Variants in OR4K14 observed in about 807,000 individuals in gnomAD.
OR4K14 encodes the protein olfactory receptor 4K14.
For missense variants in OR4K14, 406 were observed against 373.6 expected (o/e 1.09, Z -0.72); for synonymous variants, 153 against 141.5 (o/e 1.08, Z -0.58).
intron 1 of OR4K14, among the ~76,000 whole-genome samples, chr14:20,018,743 A>T (rs1313769430): frequency 6.6e-6 from 1 of 151,990 alleles, no homozygotes; most frequent in African/African-American, 2.4e-5. Flanking sequence ...CTCTGTAAAT[A>T]CACTAAAAAC....
In OR4K14 at chr14:20,014,314, C is replaced by T. The variant is rs267603917; in HGVS notation, c.880G>A (p.Glu294Lys). The T allele has an allele frequency of 1.2e-6, 2 of 1,612,242 alleles. No individual in the cohort carries two copies. Among genetic ancestry groups the T allele is most frequent in the Non-Finnish European group, 1.7e-6 (2 of 1,179,320 alleles). The change falls in exon 2 of 2, where the codon GAG becomes AAG. Residue 294 changes from glutamate (E) to lysine (K), a missense_variant. Transcript: ENST00000641793. The part of the protein sequence containing the change: ...NPIIYTLRNE[E>K]MKAAMKKLQN... ...AGTTTCTTCATAGCTGCTTTCATCT[C>T]CTCATTTCTCAATGTGTAGATAATG...
At position 20,014,834 on chromosome 14, in the gene OR4K14, G is replaced by C. The variant is rs1566525684; in HGVS notation, c.360C>G (p.Ala120=). The change falls in exon 2 of 2, where the codon GCC becomes GCG. Residue 120 remains alanine (A), a synonymous_variant. Transcript: ENST00000641793. ...TGCATATGGCCACATATCTGTCATA[G>C]GCCATGGAAACCAGGAGCACCATCT... is the stretch of plus-strand genomic sequence containing the variant. ...GAEMVLLVSM[A]YDRYVAICKP... The C allele has an allele frequency of 6.2e-7, 1 of 1,614,078 alleles. No individual in the cohort carries two copies. Among genetic ancestry groups the C allele is most frequent in the Non-Finnish European group, 8.5e-7 (1 of 1,179,986 alleles).
intron 1 of OR4K14, among the ~76,000 whole-genome samples, chr14:20,017,291 AC>A (rs1247526333): frequency 2.0e-5 from 3 of 151,922 alleles, no homozygotes; most frequent in Non-Finnish European, 4.4e-5. Context: ...TCATTTACTC[AC>A]TTACACACTC....
intron 1 of OR4K14, among the ~76,000 whole-genome samples, chr14:20,018,801 A>G (rs934665784): frequency 1.3e-5 from 2 of 151,982 alleles, no homozygotes; most frequent in African/African-American, 4.8e-5. Flanking sequence ...TATATAAATT[A>G]TACCTCAACA....
In OR4K14 at chr14:20,014,213, A is replaced by G. The variant is rs1163759913; in HGVS notation, c.*48T>C. ...TGAGCAGAATTATATTAAAGAAATT[A>G]TATCTGCTGAATGAATAGAAACATC... On this transcript the variant is annotated 3_prime_UTR_variant, in exon 2 of 2. Transcript: ENST00000641793. 5 of 1,180,774 alleles carry G rather than the reference A, an allele frequency of 4.2e-6. No homozygotes were observed. The highest frequency in any genetic ancestry group is 6.0e-6 in the Non-Finnish European group (5 of 833,608). The allele number at this position is 1,180,774 out of a possible 1,614,324, so 73.1% of individuals were successfully genotyped here.
intron 1 of OR4K14, 31 bp from the exon 2 acceptor site, chr14:20,015,253 A>C: frequency 9.9e-7 from 1 of 1,010,348 alleles, no homozygotes; most frequent in East Asian, 2.4e-5. Flanking sequence ...TGTCATTTGC[A>C]GCAACACCTC....
chr14:20,015,276 T>C (rs1877074035), intron 1 of OR4K14, 54 bp from the exon 2 acceptor site: 1 of 795,520 alleles, frequency 1.3e-6, no homozygotes, highest in Admixed American at 2.4e-5. Context: ...GGACATTGTA[T>C]TAAGTGAAAT....
chr14:20,014,605 C>A lies in OR4K14; in HGVS notation c.589G>T (p.Gly197Cys), dbSNP rs150702306. The change falls in exon 2 of 2, where the codon GGT becomes TGT. Residue 197 changes from glycine to cysteine, a missense_variant. Gly to Cys is a radical substitution (Grantham distance 159). Coordinates refer to ENST00000641793, the MANE Select transcript of OR4K14 (RefSeq NM_001004712.2). ...KLACMDTYVLGIIMISDSGLL... is the reference protein window; with the variant it reads ...KLACMDTYVLCIIMISDSGLL... ...CCACTGTCTGAGATCATAATTATAC[C>A]CAAGACATAGGTGTCCATGCAGGCA... The A allele has an allele frequency of 1.2e-6, 2 of 1,613,754 alleles. No individual in the cohort carries two copies. The highest frequency in any genetic ancestry group is 2.7e-5 in the African/African-American group (2 of 74,842).
intron 1 of OR4K14, 91 bp from the exon 2 acceptor site, chr14:20,015,313 A>C (rs1877074910): frequency 1.6e-6 from 1 of 611,090 alleles, no homozygotes; most frequent in Non-Finnish European, 2.8e-6. Flanking sequence ...GACAAATATC[A>C]AATGATGTCA....
intron 1 of OR4K14, among the ~76,000 whole-genome samples, chr14:20,018,092 C>T (rs1365310367): frequency 2.0e-5 from 3 of 151,876 alleles, no homozygotes; most frequent in Non-Finnish European, 2.9e-5. Flanking sequence ...AAGAATGTAA[C>T]ATAAAAGAAG....
rs183765822 is a variant in OR4K14, at chr14:20,014,303, T to A, written c.891A>T (p.Ala297=). Residue 297 remains alanine, a synonymous_variant, in exon 2 of 2, where the codon GCA becomes GCT. Coordinates refer to ENST00000641793, the MANE Select transcript of OR4K14 (RefSeq NM_001004712.2). ...IYTLRNEEMK[A]AMKKLQNRRV... is the part of the protein sequence containing the mutation. ...GTCGGTTTTGCAGTTTCTTCATAGC[T>A]GCTTTCATCTCCTCATTTCTCAATG... The A allele has an allele frequency of 6.2e-7, 1 of 1,612,138 alleles. No homozygotes were observed. Among genetic ancestry groups the A allele is most frequent in the Admixed American group, 1.7e-5 (1 of 59,650 alleles).
chr14:20,016,405 C>A (rs1218709853), intron 1 of OR4K14, among the ~76,000 whole-genome samples: 1 of 151,622 alleles, frequency 6.6e-6, no homozygotes, highest in Non-Finnish European at 1.5e-5. Context: ...AGATGAGCTC[C>A]CAAATCATGT....
chr14:20,019,146 G>C lies in OR4K14; in HGVS notation c.-33C>G, dbSNP rs758276551. On this transcript the variant is annotated 5_prime_UTR_variant, in exon 1 of 2. Transcript: ENST00000641793. Reference sequence around the variant, plus strand: ...ATTACAAAAGTTCTTTACTAACCTGGAGTTAAGATGCTCAGTGCTGATACT... The same window carrying C: ...ATTACAAAAGTTCTTTACTAACCTGCAGTTAAGATGCTCAGTGCTGATACT... The C allele has an allele frequency of 6.6e-6, 1 of 151,950 alleles. No homozygotes were observed. Among genetic ancestry groups the C allele is most frequent in the Non-Finnish European group, 1.5e-5 (1 of 67,914 alleles). 9.4% of individuals were successfully genotyped at this position (151,950 alleles called of 1,614,324 possible). A position where few individuals can be genotyped will look rare whatever the true frequency, so the allele number is the denominator to read the frequency against.
At chr14:20,016,936 T>C (rs1042730189) in intron 1 of OR4K14, among the ~76,000 whole-genome samples, 9 of 152,162 alleles carry the variant, frequency 5.9e-5, no homozygotes, top group African/African-American at 2.2e-4. Flanking sequence ...TGGTAAAATG[T>C]GTTGTAATGC....
chr14:20,014,521 C>A lies in OR4K14; in HGVS notation c.673G>T (p.Ala225Ser). 2.5e-6 allele frequency: 4 copies of A among 1,613,964 alleles called. No individual in the cohort carries two copies. The highest frequency in any genetic ancestry group is 3.4e-6 in the Non-Finnish European group (4 of 1,179,964). ...CTACCGGCAGCACGCTGTCTGATAGCGAGGAGGATCACGGTGTAGGAGATC... is the reference window on the plus strand; with the variant it reads ...CTACCGGCAGCACGCTGTCTGATAGAGAGGAGGATCACGGTGTAGGAGATC... ...LLISYTVILLAIRQRAAGSTS... is the reference protein window; with the variant it reads ...LLISYTVILLSIRQRAAGSTS... The change falls in exon 2 of 2, where the codon GCT becomes TCT. Residue 225 changes from alanine to serine, a missense_variant. Coordinates refer to ENST00000641793, the MANE Select transcript of OR4K14 (RefSeq NM_001004712.2).
rs536147003 is a variant in OR4K14 at position 20,015,052 on chromosome 14, T to C, written c.142A>G (p.Thr48Ala). Residue 48 changes from threonine (T) to alanine (A), a missense_variant, in exon 2 of 2, where the codon ACT (threonine) becomes GCT (alanine). Thr to Ala is a moderately conservative substitution (Grantham distance 58, BLOSUM62 0). Transcript: ENST00000641793. ...IMLGNLLILV[T>A]VISDPCLHSS... ...TGCAGGCAGGGATCAGAAATTACAG[T>C]GACCAAAATGAGAAGGTTACCCAGC... 1.2e-6 allele frequency: 2 copies of C among 1,613,966 alleles called. No individual in the cohort carries two copies. The highest frequency in any genetic ancestry group is 1.3e-5 in the African/African-American group (1 of 74,982).
At position 20,014,334 on chromosome 14, in the gene OR4K14, A is replaced by C. The variant is rs189453455; in HGVS notation, c.860T>G (p.Ile287Ser). 24 of 1,613,822 alleles carry C rather than the reference A, an allele frequency of 1.5e-5. No individual in the cohort carries two copies. The East Asian group carries it at 4.7e-4, about 31-fold the overall frequency. The change falls in exon 2 of 2, where the codon ATC becomes AGC. Residue 287 changes from isoleucine to serine, a missense_variant. Ile to Ser is a moderately radical substitution (Grantham distance 142). Coordinates refer to ENST00000641793, the MANE Select transcript of OR4K14 (RefSeq NM_001004712.2). ...CATCTCCTCATTTCTCAATGTGTAG[A>C]TAATGGGGTTCAGGAGTGGAGTAAA... Reference protein sequence around the residue: ...TIFTPLLNPIIYTLRNEEMKA... With the variant: ...TIFTPLLNPISYTLRNEEMKA...
rs140923090 is a variant in OR4K14, at chr14:20,016,053, A to G, written c.-29-831T>C. ...CCATCTCTGTCGATATCATTGCCCA[A>G]TGGGTAATTAATTATTGTTAAGCAC... On this transcript the variant is annotated intron_variant, in intron 1 of 1. Transcript: ENST00000641793. Among the ~76,000 whole-genome samples, 985 of 148,082 alleles carry G rather than the reference A, an allele frequency of 6.7e-3. 5 individuals carry two copies. Among genetic ancestry groups the G allele is most frequent in the Middle Eastern group, 0.017 (5 of 290 alleles).
intron 1 of OR4K14, among the ~76,000 whole-genome samples, chr14:20,017,859 A>G (rs546422487): frequency 2.9e-4 from 44 of 152,094 alleles, no homozygotes; most frequent in Non-Finnish European, 4.1e-4. Flanking sequence ...TCATCACGTT[A>G]TTTTAAAACG....
Sources: gnomAD v4.1 joint callset for allele counts (sites outside exome capture counted in the v4.1 genomes callset) on GRCh38, gnomAD v4.1.1 for gene constraint, MANE v1.5 for transcripts, NCBI Gene and HGNC (gene_info 2026-07-23, HGNC 2026-07-21) for gene names.